Variants in ABCG1 observed in about 807,000 individuals in gnomAD.
ABCG1 encodes ATP-binding cassette sub-family G member 1.
A neutral mutation model predicts 69.2 loss-of-function variants in ABCG1; 29 were observed. The observed-to-expected ratio is 0.42, with a 90% CI of 0.31 to 0.57. The LOEUF is 0.57. Among genes scored for constraint, ABCG1 ranks in the 20% least tolerant of loss-of-function variants. The pLI, the probability that ABCG1 is intolerant of heterozygous loss-of-function variation, is 0.15. For synonymous variants in ABCG1, 370 were observed against 374.8 expected (o/e 0.99, Z 0.15); for missense variants, 718 against 898.1 (o/e 0.80, Z 2.56).
At chr21:42,266,052 AG>A (rs2068498863) in intron 2 of ABCG1, among the ~76,000 whole-genome samples, 2 of 152,178 alleles carry the variant, frequency 1.3e-5, no homozygotes, top group Non-Finnish European at 2.9e-5. Context: ...CTGTAATCCC[AG>A]CACTTTGGGA....
At chr21:42,205,660 T>C (rs2067537339) in intron 2 of ABCG1, among the ~76,000 whole-genome samples, 1 of 152,052 alleles carries the variant, frequency 6.6e-6, no homozygotes, top group Non-Finnish European at 1.5e-5. Context: ...CAGCTTTGTG[T>C]TTCATTGATT....
intron 2 of ABCG1, among the ~76,000 whole-genome samples, chr21:42,227,574 G>A (rs774176609): frequency 1.1e-4 from 17 of 152,350 alleles, no homozygotes; most frequent in Non-Finnish European, 2.1e-4. Flanking sequence ...AAACCTGGTG[G>A]CATCTGGGTT....
At chr21:42,243,447 CGTGTGTGTGTGT>C (rs869095111) in intron 2 of ABCG1, among the ~76,000 whole-genome samples, 7 of 81,548 alleles carry the variant, frequency 8.6e-5, no homozygotes, top group East Asian at 7.3e-4. Context: ...TGTGTGTGCG[CGTGTGTGTGTGT>C]GTGTGTGTGT....
intron 2 of ABCG1, among the ~76,000 whole-genome samples, chr21:42,234,409 C>T (rs2067946339): frequency 6.6e-6 from 1 of 152,230 alleles, no homozygotes; most frequent in Non-Finnish European, 1.5e-5. Flanking sequence ...TCTCCTCCTC[C>T]TGGGGCACGT....
In ABCG1 at chr21:42,294,854, C is replaced by T. The variant is rs2069173125; in HGVS notation, c.1772+194C>T. The stretch of plus-strand genomic sequence containing the variant: ...CCCTCACCAACACACACACACTAAA[C>T]AAGGAGGCCACACAAACCAGCGCTT... On this transcript the variant is annotated intron_variant, in intron 14 of 14. Coordinates refer to ENST00000398449, the MANE Select transcript of ABCG1 (RefSeq NM_016818.3). 5 of 576,782 alleles carry T rather than the reference C, an allele frequency of 8.7e-6. No homozygotes were observed. The East Asian group carries it at 8.9e-5, about 10-fold the overall frequency. The allele number at this position is 576,782 out of a possible 1,614,324, so 35.7% of individuals were successfully genotyped here.
chr21:42,278,302 C>A (rs543464490), intron 5 of ABCG1, among the ~76,000 whole-genome samples: 5 of 152,122 alleles, frequency 3.3e-5, no homozygotes, highest in African/African-American at 1.2e-4. Flanking sequence ...CCACAACACA[C>A]ACACCACCTC....
intron 2 of ABCG1, among the ~76,000 whole-genome samples, chr21:42,229,000 C>T (rs575237144): frequency 1.3e-5 from 2 of 152,354 alleles, no homozygotes; most frequent in South Asian, 4.1e-4. Flanking sequence ...GGGTCGCCAC[C>T]CTCCTGGTCC....
chr21:42,207,194 A>G (rs1318750845), intron 2 of ABCG1, among the ~76,000 whole-genome samples: 2 of 152,170 alleles, frequency 1.3e-5, no homozygotes, highest in African/African-American at 4.8e-5. Context: ...TTAACCCCTC[A>G]GCCCCACTTC....
intron 2 of ABCG1, among the ~76,000 whole-genome samples, chr21:42,204,143 G>A (rs1199903386): frequency 6.6e-6 from 1 of 152,160 alleles, no homozygotes; most frequent in East Asian, 1.9e-4. Flanking sequence ...GTGCTTTTGT[G>A]GATAGATTGG....
intron 2 of ABCG1, among the ~76,000 whole-genome samples, chr21:42,229,358 C>T (rs537881056): frequency 5.3e-5 from 8 of 152,280 alleles, no homozygotes; most frequent in East Asian, 1.9e-4. Flanking sequence ...AATGATCACG[C>T]GGAGGCTGGA....
chr21:42,204,651 T>C (rs1179222511), intron 2 of ABCG1, among the ~76,000 whole-genome samples: 1 of 152,174 alleles, frequency 6.6e-6, no homozygotes, highest in Admixed American at 6.5e-5. Flanking sequence ...AGTATTTTGT[T>C]TGGGTTTTCT....
chr21:42,226,149 G>A (rs1457177144), intron 2 of ABCG1, among the ~76,000 whole-genome samples: 1 of 152,202 alleles, frequency 6.6e-6, no homozygotes, highest in Non-Finnish European at 1.5e-5. Flanking sequence ...ATTCTGCGAT[G>A]TCATTATGGA....
chr21:42,258,708 C>T (rs1314257345), intron 2 of ABCG1, among the ~76,000 whole-genome samples: 1 of 152,240 alleles, frequency 6.6e-6, no homozygotes, highest in Non-Finnish European at 1.5e-5. Context: ...CGAGGTCAGC[C>T]TTCCTCTGCC....
chr21:42,243,879 T>C (rs868858749), intron 2 of ABCG1, among the ~76,000 whole-genome samples: 13 of 134,378 alleles, frequency 9.7e-5, no homozygotes, highest in East Asian at 4.7e-4. Flanking sequence ...AGTGCAGTGG[T>C]GCGATCTCGG....
At chr21:42,271,662 A>G (rs183610167) in intron 3 of ABCG1, among the ~76,000 whole-genome samples, 197 of 152,298 alleles carry the variant, frequency 1.3e-3, no homozygotes, top group African/African-American at 4.6e-3. Flanking sequence ...TGGGCGGATT[A>G]CCTGAGGTCA....
In ABCG1 at chr21:42,219,222, CCCGCCGCCGCCGCCGCCG is replaced by C. The variant is rs2234716; in HGVS notation, c.-26_-9del. On this transcript the variant is annotated 5_prime_UTR_variant, in exon 1 of 15. Transcript: ENST00000398449. This position sits in a 1 kb window ranked among gnomAD's most constrained non-coding sequence, Gnocchi z 5.3. ...TCGGCCCCGCAGCTCAAGCCTCGTC[CCCGCCGCCGCCGCCGCCG>C]CCGCCGCCGCCGCCCCCGGGGCATG... 10 of 1,474,154 alleles carry C rather than the reference CCCGCCGCCGCCGCCGCCG, an allele frequency of 6.8e-6. No homozygotes were observed. Among genetic ancestry groups the C allele is most frequent in the Admixed American group, 4.4e-5 (2 of 45,354 alleles). 91.3% of individuals were successfully genotyped at this position (1,474,154 alleles called of 1,614,324 possible).
At chr21:42,220,858 T>C (rs1312070729) in intron 1 of ABCG1, among the ~76,000 whole-genome samples, 1 of 152,264 alleles carries the variant, frequency 6.6e-6, no homozygotes, top group Admixed American at 6.5e-5. Context: ...GAGAAAGTTA[T>C]AGATCTTGTA....
chr21:42,211,395 C>T (rs756486802), upstream of ABCG1, among the ~76,000 whole-genome samples: 1 of 152,074 alleles, frequency 6.6e-6, no homozygotes, highest in South Asian at 2.1e-4. Flanking sequence ...GCTTGAAGGG[C>T]TAAGGCATGG....
In ABCG1 at chr21:42,245,785, A is replaced by G. The variant is rs1028730982; in HGVS notation, c.286+19871A>G. Among the ~76,000 whole-genome samples, 4 of 114,328 alleles carry G rather than the reference A, an allele frequency of 3.5e-5. No homozygotes were observed. In the Admixed American group the frequency reaches 3.7e-4, roughly 11 times the overall value. The allele number at this position is 114,328 out of a possible 152,430, so 75.0% of individuals were successfully genotyped here. A position where few individuals can be genotyped will look rare whatever the true frequency, so the allele number is the denominator to read the frequency against. On this transcript the variant is annotated intron_variant, in intron 2 of 14. Transcript: ENST00000398449. ...CTTTCTGAAAATCATCTGCACATCT[A>G]AGCATCTTGGCACAACTCCGATGAG...
Sources: allele counts gnomAD v4.1 joint callset (sites outside exome capture counted in the v4.1 genomes callset), GRCh38; gene constraint gnomAD v4.1.1; non-coding constraint Gnocchi (gnomAD v3.1); transcripts MANE v1.5; gene names NCBI Gene and HGNC (gene_info 2026-07-23, HGNC 2026-07-21).